The following FOXC2 variants were observed in gnomAD, a reference collection of about 807,000 sequenced individuals.
FOXC2 encodes the protein forkhead box protein C2.
A neutral mutation model predicts 7.2 loss-of-function variants in FOXC2; 7 were observed. That is an observed-to-expected ratio of 0.97 (90% CI 0.55 to 1.81). The LOEUF is 1.81. FOXC2 is among the 40% of genes most tolerant of loss of function. The probability of loss-of-function intolerance (pLI) is 0.00; values close to 1 mark genes in which losing one functional copy is unlikely to be tolerated. For synonymous variants in FOXC2, 436 were observed against 350.4 expected, an observed-to-expected ratio of 1.24 and a Z score of -2.73; for missense variants, 846 against 741.2, an observed-to-expected ratio of 1.14 and a Z score of -1.64.
rs1453065977 is a variant in FOXC2, at chr16:86,568,620, A to G, written c.1285A>G (p.Ser429Gly). The G allele has an allele frequency of 6.2e-7, 1 of 1,612,108 alleles. No individual in the cohort carries two copies. Among genetic ancestry groups the G allele is most frequent in the East Asian group, 2.2e-5 (1 of 44,852 alleles). Residue 429 changes from serine (S) to glycine (G), a missense_variant, in exon 1 of 1, where the codon AGC becomes GGC. Transcript: ENST00000649859. The surrounding 1 kb of genome is among the most constrained non-coding windows in gnomAD (Gnocchi z 5.2). ...AQAASWYLNH[S>G]GDLNHLPGHT... ...GGCGGCCTCCTGGTATCTCAACCAC[A>G]GCGGGGACCTGAACCACCTCCCCGG...
In FOXC2 at chr16:86,567,755, C is replaced by T; in HGVS notation, c.420C>T (p.Pro140=). Residue 140 remains proline, a synonymous_variant, in exon 1 of 1, where the codon CCC becomes CCT. Transcript: ENST00000649859. ...FVKVPRDDKK[P]GKGSYWTLDP... ...AGGTGCCCCGCGACGACAAGAAGCC[C>T]GGCAAGGGCAGTTACTGGACCCTGG... 1 of 1,614,182 alleles carries T rather than the reference C, an allele frequency of 6.2e-7. No individual in the cohort carries two copies. Among genetic ancestry groups the T allele is most frequent in the Non-Finnish European group, 8.5e-7 (1 of 1,180,034 alleles).
Position 86,567,536 on chromosome 16 carries a change from T to G in FOXC2, c.201T>G (p.Pro67=), listed in dbSNP as rs766061847. The change falls in exon 1 of 1, where the codon CCT becomes CCG. Residue 67 remains proline (P), a synonymous_variant. Coordinates refer to ENST00000649859, the MANE Select transcript of FOXC2 (RefSeq NM_005251.3). ...APYHHHQPAA[P]KDLVKPPYSY... is the part of the protein sequence containing the mutation. ...ACCACCACCACCAGCCCGCGGCGCC[T>G]AAGGACCTGGTGAAGCCGCCCTACA... 6.2e-7 allele frequency: 1 copy of G among 1,612,956 alleles called. No homozygotes were observed. Among genetic ancestry groups the G allele is most frequent in the African/African-American group, 1.3e-5 (1 of 74,602 alleles).
At position 86,568,720 on chromosome 16, in the gene FOXC2, A is replaced by C; in HGVS notation, c.1385A>C (p.Glu462Ala). Residue 462 changes from glutamate to alanine, a missense_variant, in exon 1 of 1, where the codon GAG (glutamate) becomes GCG (alanine). Physicochemically the swap from Glu to Ala is moderately radical, Grantham distance 107. Coordinates refer to ENST00000649859, the MANE Select transcript of FOXC2 (RefSeq NM_005251.3). This position sits in a 1 kb window ranked among gnomAD's most constrained non-coding sequence, Gnocchi z 5.2. Reference protein sequence around the residue: ...EMFNSHRLGIENSTLGESQVS... With the variant: ...EMFNSHRLGIANSTLGESQVS... ...TTCAACTCCCACCGGCTGGGGATTGAGAACTCGACCCTCGGGGAGTCCCAG... is the reference window on the plus strand; with the variant it reads ...TTCAACTCCCACCGGCTGGGGATTGCGAACTCGACCCTCGGGGAGTCCCAG... The C allele has an allele frequency of 1.2e-6, 2 of 1,612,952 alleles. No individual in the cohort carries two copies. Among genetic ancestry groups the C allele is most frequent in the Non-Finnish European group, 1.7e-6 (2 of 1,180,016 alleles).
chr16:86,568,477 C>T lies in FOXC2; in HGVS notation c.1142C>T (p.Ala381Val). ...AACCTCGCCGCCGGCCAGGAGGGCG[C>T]GCTCGCCGCCACGGGCCACCACCAC... ...ALNLAAGQEG[A>V]LAATGHHHQH... Residue 381 changes from alanine (A) to valine (V), a missense_variant, in exon 1 of 1, where the codon GCG becomes GTG. Physicochemically the swap from Ala to Val is moderately conservative, Grantham distance 64 (BLOSUM62 0). This residue lies in a region of FOXC2 where 640 missense variants were observed against 503.2 expected (regional missense o/e 1.27). Coordinates refer to ENST00000649859, the MANE Select transcript of FOXC2 (RefSeq NM_005251.3). The surrounding 1 kb of genome is among the most constrained non-coding windows in gnomAD (Gnocchi z 5.2). 7.6e-7 allele frequency: 1 copy of T among 1,309,510 alleles called. No homozygotes were observed. Among genetic ancestry groups the T allele is most frequent in the Non-Finnish European group, 9.8e-7 (1 of 1,025,170 alleles). The allele number at this position is 1,309,510 out of a possible 1,614,324, so 81.1% of individuals were successfully genotyped here.
At position 86,566,930 on chromosome 16, in the gene FOXC2, G is replaced by A. The variant is rs1448027775; in HGVS notation, c.-406G>A. The stretch of plus-strand genomic sequence containing the variant: ...CGCTGACCCTCGGGGCTGCCGATTC[G>A]CTGGGGGCTTGGAGAGCCTCCTGCG... On this transcript the variant is annotated 5_prime_UTR_variant, in exon 1 of 1. Coordinates refer to ENST00000649859, the MANE Select transcript of FOXC2 (RefSeq NM_005251.3). The surrounding 1 kb of genome is among the most constrained non-coding windows in gnomAD (Gnocchi z 4.3). Among the ~76,000 whole-genome samples the A allele has an allele frequency of 6.6e-6, 1 of 152,118 alleles. No homozygotes were observed. The highest frequency in any genetic ancestry group is 6.5e-5 in the Admixed American group (1 of 15,282).
chr16:86,568,818 T>C lies in FOXC2; in HGVS notation c.1483T>C (p.Ser495Pro). Residue 495 changes from serine to proline, a missense_variant, in exon 1 of 1, where the codon TCC becomes CCC. Ser to Pro is a moderately conservative substitution (Grantham distance 74). Around this residue, in one of 3 missense-constraint regions of FOXC2, gnomAD observed 640 missense variants for 503.2 expected, o/e 1.27. Transcript: ENST00000649859. This position sits in a 1 kb window ranked among gnomAD's most constrained non-coding sequence, Gnocchi z 5.2. Reference protein sequence around the residue: ...PPLYRHAAPYSYDCTKY With the variant: ...PPLYRHAAPYPYDCTKY ...TCTCTATCGCCACGCAGCCCCCTAC[T>C]CCTACGACTGCACGAAATACTGACG... The C allele has an allele frequency of 1.2e-6, 2 of 1,612,390 alleles. No homozygotes were observed. Among genetic ancestry groups the C allele is most frequent in the Non-Finnish European group, 1.7e-6 (2 of 1,179,854 alleles).
At position 86,567,613 on chromosome 16, in the gene FOXC2, T is replaced by A. The variant is rs776500374; in HGVS notation, c.278T>A (p.Ile93Asn). ...MAIQNAPEKK[I>N]TLNGIYQFIM... ...ATCCAGAACGCGCCCGAGAAGAAGA[T>A]CACCTTGAACGGCATCTACCAGTTC... The change falls in exon 1 of 1, where the codon ATC becomes AAC. Residue 93 changes from isoleucine (I) to asparagine (N), a missense_variant. Physicochemically the swap from Ile to Asn is moderately radical, Grantham distance 149. Around this residue, in one of 3 missense-constraint regions of FOXC2, gnomAD observed 154 missense variants for 134.2 expected, o/e 1.15. Transcript: ENST00000649859. 3 of 1,613,742 alleles carry A rather than the reference T, an allele frequency of 1.9e-6. No homozygotes were observed. The highest frequency in any genetic ancestry group is 1.3e-5 in the African/African-American group (1 of 74,854).
At position 86,568,902 on chromosome 16, in the gene FOXC2, C is replaced by A; in HGVS notation, c.*61C>A. 1.2e-6 allele frequency: 2 copies of A among 1,600,588 alleles called. No homozygotes were observed. Among genetic ancestry groups the A allele is most frequent in the South Asian group, 2.2e-5 (2 of 90,176 alleles). On this transcript the variant is annotated 3_prime_UTR_variant, in exon 1 of 1. Coordinates refer to ENST00000649859, the MANE Select transcript of FOXC2 (RefSeq NM_005251.3). The surrounding 1 kb of genome is among the most constrained non-coding windows in gnomAD (Gnocchi z 5.2). ...GCTTCGCTTCCCAGCCCCGACCCAA[C>A]CAGACAATTAAGGGGCTGCAGAGAC...
Position 86,567,825 on chromosome 16 carries a change from C to T in FOXC2, c.490C>T (p.Arg164Cys). 6.2e-7 allele frequency: 1 copy of T among 1,613,732 alleles called. No individual in the cohort carries two copies. Among genetic ancestry groups the T allele is most frequent in the Non-Finnish European group, 8.5e-7 (1 of 1,180,030 alleles). Reference sequence around the variant, plus strand: ...GTTCGAGAACGGCAGCTTCCTGCGGCGCCGGCGGCGCTTCAAAAAGAAGGA... The same window carrying T: ...GTTCGAGAACGGCAGCTTCCTGCGGTGCCGGCGGCGCTTCAAAAAGAAGGA... ...NMFENGSFLRRRRRFKKKDVS... is the reference protein window; with the variant it reads ...NMFENGSFLRCRRRFKKKDVS... Residue 164 changes from arginine (R) to cysteine (C), a missense_variant, in exon 1 of 1, where the codon CGC (arginine) becomes TGC (cysteine). This residue lies in a region of FOXC2 where 52 missense variants were observed against 103.8 expected (regional missense o/e 0.50). Transcript: ENST00000649859.
Position 86,567,238 on chromosome 16 carries a change from C to A in FOXC2, c.-98C>A, listed in dbSNP as rs1008409267. 69 of 1,423,674 alleles carry A rather than the reference C, an allele frequency of 4.8e-5. No homozygotes were observed. The Admixed American group carries it at 5.7e-4, about 12-fold the overall frequency. 88.2% of individuals were successfully genotyped at this position (1,423,674 alleles called of 1,614,324 possible). On this transcript the variant is annotated 5_prime_UTR_variant, in exon 1 of 1. Coordinates refer to ENST00000649859, the MANE Select transcript of FOXC2 (RefSeq NM_005251.3). ...GCCCCTCCCGCTCCCCTCCTCTCCC[C>A]CTCTGGCTCTCTCGCGCTCTCTCGC...
Position 86,567,283 on chromosome 16 carries a change from C to G in FOXC2, c.-53C>G. ...TCTCGCTCTCAGGGCCCCCCTCGCT[C>G]CCCCGGCCGCAGTCCGTGCGCGAGG... On this transcript the variant is annotated 5_prime_UTR_variant, in exon 1 of 1. Coordinates refer to ENST00000649859, the MANE Select transcript of FOXC2 (RefSeq NM_005251.3). 6.2e-7 allele frequency: 1 copy of G among 1,606,316 alleles called. No homozygotes were observed. The highest frequency in any genetic ancestry group is 1.3e-5 in the African/African-American group (1 of 74,908).
In FOXC2 at chr16:86,568,676, C is replaced by A. The variant is rs1187618341; in HGVS notation, c.1341C>A (p.Phe447Leu). 3 of 1,612,886 alleles carry A rather than the reference C, an allele frequency of 1.9e-6. No homozygotes were observed. The South Asian group carries it at 3.3e-5, about 18-fold the overall frequency. ...CGTTCGCGGCCCAGCAGCAAACTTT[C>A]CCCAACGTGCGGGAGATGTTCAACT... ...GHTFAAQQQT[F>L]PNVREMFNSH... Residue 447 changes from phenylalanine to leucine, a missense_variant, in exon 1 of 1, where the codon TTC becomes TTA. By Grantham distance (22) the Phe-to-Leu change is conservative. Around this residue, in one of 3 missense-constraint regions of FOXC2, gnomAD observed 640 missense variants for 503.2 expected, o/e 1.27. Coordinates refer to ENST00000649859, the MANE Select transcript of FOXC2 (RefSeq NM_005251.3). This position sits in a 1 kb window ranked among gnomAD's most constrained non-coding sequence, Gnocchi z 5.2.
At position 86,568,004 on chromosome 16, in the gene FOXC2, G is replaced by T. The variant is rs1033516075; in HGVS notation, c.669G>T (p.Pro223=). The T allele has an allele frequency of 3.3e-6, 5 of 1,493,516 alleles. No homozygotes were observed. In the African/African-American group the frequency reaches 4.2e-5, roughly 13 times the overall value. 92.5% of individuals were successfully genotyped at this position (1,493,516 alleles called of 1,614,324 possible). A position where few individuals can be genotyped will look rare whatever the true frequency, so the allele number is the denominator to read the frequency against. ...IKSEAASPAL[P]VITKVETLSP... The stretch of plus-strand genomic sequence containing the variant: ...GCGAGGCGGCGTCCCCGGCGCTGCC[G>T]GTCATCACCAAGGTGGAGACGCTGA... Residue 223 remains proline, a synonymous_variant, in exon 1 of 1, where the codon CCG becomes CCT. Transcript: ENST00000649859. The surrounding 1 kb of genome is among the most constrained non-coding windows in gnomAD (Gnocchi z 5.2).
chr16:86,569,116 T>A lies in FOXC2; in HGVS notation c.*275T>A. ...ATGAGTATTGATCTTAAAATCCCCC[T>A]CCCCTACCAGGACGGCTGTGCTGTG... On this transcript the variant is annotated 3_prime_UTR_variant, in exon 1 of 1. Transcript: ENST00000649859. 1.8e-6 allele frequency: 1 copy of A among 554,512 alleles called. No individual in the cohort carries two copies. Among genetic ancestry groups the A allele is most frequent in the East Asian group, 3.2e-5 (1 of 30,856 alleles). The allele number at this position is 554,512 out of a possible 1,614,324, so 34.3% of individuals were successfully genotyped here.
Position 86,567,933 on chromosome 16 carries a change from C to G in FOXC2, c.598C>G (p.Leu200Val). 2 of 1,565,738 alleles carry G rather than the reference C, an allele frequency of 1.3e-6. No homozygotes were observed. Among genetic ancestry groups the G allele is most frequent in the Non-Finnish European group, 1.7e-6 (2 of 1,168,870 alleles). The change falls in exon 1 of 1, where the codon CTA (leucine) becomes GTA (valine). Residue 200 changes from leucine to valine, a missense_variant. This residue lies in a region of FOXC2 where 640 missense variants were observed against 503.2 expected (regional missense o/e 1.27). Transcript: ENST00000649859. The stretch of plus-strand genomic sequence containing the variant: ...CAAGGGCGCCCCGGCCACCCCCCAC[C>G]TAGCGGACGCCCCCAAGGAGGCCGA... Reference protein sequence around the residue: ...ASKGAPATPHLADAPKEAEKK... With the variant: ...ASKGAPATPHVADAPKEAEKK...
In FOXC2 at chr16:86,568,170, C is replaced by G; in HGVS notation, c.835C>G (p.Arg279Gly). ...CAGCGTGGAGAACATCATGACCCTG[C>G]GAACGTCGCCGCCGGGCGGAGAGCT... Reference protein sequence around the residue: ...GFSVENIMTLRTSPPGGELSP... With the variant: ...GFSVENIMTLGTSPPGGELSP... Residue 279 changes from arginine (R) to glycine (G), a missense_variant, in exon 1 of 1, where the codon CGA becomes GGA. Physicochemically the swap from Arg to Gly is moderately radical, Grantham distance 125 (BLOSUM62 -2). This residue lies in a region of FOXC2 where 640 missense variants were observed against 503.2 expected (regional missense o/e 1.27). Transcript: ENST00000649859. The surrounding 1 kb of genome is among the most constrained non-coding windows in gnomAD (Gnocchi z 5.2). 1 of 1,294,954 alleles carries G rather than the reference C, an allele frequency of 7.7e-7. No homozygotes were observed. The highest frequency in any genetic ancestry group is 9.7e-7 in the Non-Finnish European group (1 of 1,029,546). 80.2% of individuals were successfully genotyped at this position (1,294,954 alleles called of 1,614,324 possible). A position where few individuals can be genotyped will look rare whatever the true frequency, so the allele number is the denominator to read the frequency against.
chr16:86,567,852 G>A lies in FOXC2; in HGVS notation c.517G>A (p.Val173Met), dbSNP rs868831268. 25 of 1,612,850 alleles carry A rather than the reference G, an allele frequency of 1.6e-5. No homozygotes were observed. The highest frequency in any genetic ancestry group is 5.3e-5 in the African/African-American group (4 of 74,930). The part of the protein sequence containing the change: ...RRRRRFKKKD[V>M]SKEKEERAHL... Reference sequence around the variant, plus strand: ...CCGGCGGCGCTTCAAAAAGAAGGACGTGTCCAAGGAGAAGGAGGAGCGGGC... The same window carrying A: ...CCGGCGGCGCTTCAAAAAGAAGGACATGTCCAAGGAGAAGGAGGAGCGGGC... Residue 173 changes from valine to methionine, a missense_variant, in exon 1 of 1, where the codon GTG becomes ATG. Coordinates refer to ENST00000649859, the MANE Select transcript of FOXC2 (RefSeq NM_005251.3).
Position 86,568,591 on chromosome 16 carries a change from C to G in FOXC2, c.1256C>G (p.Ala419Gly). The part of the protein sequence containing the change: ...QPTPQPGAAA[A>G]QAASWYLNHS... ...ACGCCGCAGCCCGGGGCCGCCGCGG[C>G]GCAGGCGGCCTCCTGGTATCTCAAC... The change falls in exon 1 of 1, where the codon GCG becomes GGG. Residue 419 changes from alanine to glycine, a missense_variant. Ala to Gly is a moderately conservative substitution (Grantham distance 60). Transcript: ENST00000649859. This position sits in a 1 kb window ranked among gnomAD's most constrained non-coding sequence, Gnocchi z 5.2. 1 of 1,604,432 alleles carries G rather than the reference C, an allele frequency of 6.2e-7. No homozygotes were observed. The highest frequency in any genetic ancestry group is 1.1e-5 in the South Asian group (1 of 90,566).
rs1385280210 is a variant in FOXC2, at chr16:86,567,500, C to T, written c.165C>T (p.Ser55=). The T allele has an allele frequency of 6.2e-6, 10 of 1,613,844 alleles. 1 individual carries two copies. The highest frequency in any genetic ancestry group is 7.6e-6 in the Non-Finnish European group (9 of 1,179,998). ...PEQYSAGMGR[S]YAPYHHHQPA... ...AGTACAGCGCGGGGATGGGCCGCTC[C>T]TACGCGCCCTACCACCACCACCAGC... The change falls in exon 1 of 1, where the codon TCC becomes TCT. Residue 55 remains serine (S), a synonymous_variant. Transcript: ENST00000649859.
Sources: allele counts gnomAD v4.1 joint callset (sites outside exome capture counted in the v4.1 genomes callset), GRCh38; gene constraint gnomAD v4.1.1; regional missense constraint gnomAD v4.1.1; non-coding constraint Gnocchi (gnomAD v3.1); transcripts MANE v1.5; gene names NCBI Gene and HGNC (gene_info 2026-07-23, HGNC 2026-07-21).